Variants in FBXO21 observed in about 807,000 individuals in gnomAD.
FBXO21 encodes F-box only protein 21.
In FBXO21, 32 loss-of-function variants were observed where a neutral mutation model predicts 76.6. The observed-to-expected ratio is 0.42, with a 90% CI of 0.32 to 0.56. FBXO21 has a LOEUF of 0.56. Ranked by LOEUF, FBXO21 falls within the 20% of genes least tolerant of loss-of-function variation. The probability of loss-of-function intolerance (pLI) is 0.16; values close to 1 mark genes in which losing one functional copy is unlikely to be tolerated. For missense variants in FBXO21, 586 were observed against 797.3 expected, an observed-to-expected ratio of 0.73 and a Z score of 3.19; for synonymous variants, 328 against 311.5, an observed-to-expected ratio of 1.05 and a Z score of -0.56.
At chr12:117,166,827 A>G in intron 8 of FBXO21, 71 bp downstream of exon 8, 2 of 1,373,908 alleles carry the variant, frequency 1.5e-6, no homozygotes, top group Non-Finnish European at 2.0e-6. Flanking sequence ...CACTTGGCAC[A>G]TCTCAAACAC....
At position 117,177,600 on chromosome 12, in the gene FBXO21, T is replaced by C; in HGVS notation, c.512A>G (p.Tyr171Cys). The C allele has an allele frequency of 6.2e-7, 1 of 1,613,886 alleles. No homozygotes were observed. ...TAAGATCTTCTGTTGCCGCAGGTAG[T>C]AAAGAATTTTTTTTGCGTAGTATTT... ...TWKYYAKKIL[Y>C]YLRQQKILNN... The change falls in exon 4 of 12, where the codon TAC becomes TGC. Residue 171 changes from tyrosine to cysteine, a missense_variant. Tyr to Cys is a radical substitution (Grantham distance 194). Around this residue, in one of 6 missense-constraint regions of FBXO21, gnomAD observed 246 missense variants for 356.8 expected, o/e 0.69. Coordinates refer to ENST00000622495, the MANE Select transcript of FBXO21 (RefSeq NM_015002.3).
At chr12:117,164,700 G>A (rs7313745) in intron 9 of FBXO21, among the ~76,000 whole-genome samples, 83,651 of 152,080 alleles carry the variant, frequency 0.55, 23,502 homozygotes, top group African/African-American at 0.65. Flanking sequence ...AGAGTCACTT[G>A]TAATATTTAC....
chr12:117,180,997 T>G (rs964232942), intron 3 of FBXO21, among the ~76,000 whole-genome samples: 1 of 152,244 alleles, frequency 6.6e-6, no homozygotes, highest in Non-Finnish European at 1.5e-5. Flanking sequence ...AGATGCATTG[T>G]ATTTATACTG....
intron 9 of FBXO21, among the ~76,000 whole-genome samples, chr12:117,164,098 TA>T (rs34246022): frequency 4.4e-4 from 64 of 144,432 alleles, no homozygotes; most frequent in Non-Finnish European, 5.1e-4. Flanking sequence ...AGTTTCTATT[TA>T]AAAAAAAAAA....
chr12:117,165,587 C>A lies in FBXO21; in HGVS notation c.1224G>T (p.Leu408=). ...CCAGATAGAGATCCAGCGAGTCTCT[C>A]AGGAGCTGGTATGACTGGTCGATGC... is the stretch of plus-strand genomic sequence containing the variant. The part of the protein sequence containing the change: ...REGIDQSYQL[L]RDSLDLYLAM... Residue 408 remains leucine (L), a synonymous_variant, in exon 9 of 12, where the codon CTG becomes CTT. Transcript: ENST00000622495. 1 of 1,613,476 alleles carries A rather than the reference C, an allele frequency of 6.2e-7. No homozygotes were observed. The highest frequency in any genetic ancestry group is 8.5e-7 in the Non-Finnish European group (1 of 1,179,490).
chr12:117,172,657 C>A, intron 6 of FBXO21, 50 bp from the exon 7 acceptor site: 1 of 1,575,332 alleles, frequency 6.3e-7, no homozygotes, highest in South Asian at 1.1e-5. Context: ...TATACGTTCT[C>A]ATTCTTTCAA....
At chr12:117,156,041 A>AC (rs1955912037) in intron 10 of FBXO21, 93 bp from the exon 11 acceptor site, 1 of 1,157,048 alleles carries the variant, frequency 8.6e-7, no homozygotes, top group African/African-American at 1.5e-5. Context: ...ATCCTCAGTT[A>AC]CCTGCTTTAC....
rs1461297204 is a variant in FBXO21, at chr12:117,190,337, G to A, written c.120C>T (p.Tyr40=). Residue 40 remains tyrosine, a synonymous_variant, in exon 1 of 12, where the codon TAC becomes TAT. Transcript: ENST00000622495. The part of the protein sequence containing the change: ...LVNLPGEVLE[Y]ILCCGSLTAA... ...CCGTCAGCGAGCCGCAGCACAGGAT[G>A]TACTCCAGCACCTCACCCGGCAGGT... 5 of 1,543,122 alleles carry A rather than the reference G, an allele frequency of 3.2e-6. No individual in the cohort carries two copies. Among genetic ancestry groups the A allele is most frequent in the African/African-American group, 2.8e-5 (2 of 70,448 alleles).
rs73410663 is a variant in FBXO21, at chr12:117,156,653, C to T, written c.1518-705G>A. On this transcript the variant is annotated intron_variant, in intron 10 of 11. Transcript: ENST00000622495. ...GTGCAGGGGACAGTAAGATTCACCC[C>T]GTATGGCAGCTGTTGAGGCTGGATG... Among the ~76,000 whole-genome samples the T allele has an allele frequency of 5.6e-3, 856 of 152,248 alleles. 9 individuals carry two copies. Among genetic ancestry groups the T allele is most frequent in the African/African-American group, 0.02 (823 of 41,542 alleles).
At chr12:117,166,770 G>A (rs924173335) in intron 8 of FBXO21, 128 bp downstream of exon 8, 34 of 696,770 alleles carry the variant, frequency 4.9e-5, no homozygotes, top group Non-Finnish European at 7.9e-5. Flanking sequence ...TCCAGTACTC[G>A]CAAAGAGAAC....
chr12:117,143,846 G>T lies in FBXO21; in HGVS notation c.*2241C>A, dbSNP rs1955739845. The T allele has an allele frequency of 6.6e-6, 1 of 152,624 alleles. No individual in the cohort carries two copies. The highest frequency in any genetic ancestry group is 1.5e-5 in the Non-Finnish European group (1 of 68,032). The allele number at this position is 152,624 out of a possible 1,614,324, so 9.5% of individuals were successfully genotyped here. A position where few individuals can be genotyped will look rare whatever the true frequency, so the allele number is the denominator to read the frequency against. On this transcript the variant is annotated 3_prime_UTR_variant, in exon 12 of 12. Transcript: ENST00000622495. ...AAAAATCTTGGCATTCATTTGAAGA[G>T]AAAAGAAGTTGCTATATCCAAATAT...
intron 9 of FBXO21, among the ~76,000 whole-genome samples, chr12:117,159,641 A>C (rs1022937696): frequency 2.0e-5 from 3 of 152,186 alleles, no homozygotes; most frequent in Non-Finnish European, 4.4e-5. Flanking sequence ...GGACACTCGC[A>C]GATTTACCCT....
chr12:117,189,926 G>C (rs1016040439), intron 1 of FBXO21, among the ~76,000 whole-genome samples: 23 of 152,270 alleles, frequency 1.5e-4, no homozygotes, highest in African/African-American at 4.6e-4. Flanking sequence ...GCCCGAAGTC[G>C]GGCACAAAAG....
intron 9 of FBXO21, among the ~76,000 whole-genome samples, chr12:117,163,697 C>T (rs1453840915): frequency 1.3e-5 from 2 of 152,184 alleles, no homozygotes; most frequent in East Asian, 3.9e-4. Context: ...AGTCCCAGCA[C>T]TTTGGGAGGC....
chr12:117,185,941 C>T (rs1337858980), intron 3 of FBXO21, among the ~76,000 whole-genome samples: 2 of 152,146 alleles, frequency 1.3e-5, no homozygotes, highest in African/African-American at 4.8e-5. Flanking sequence ...GGTGCAATCT[C>T]GGCTCACTGC....
At chr12:117,189,727 G>A (rs901100606) in intron 1 of FBXO21, among the ~76,000 whole-genome samples, 1 of 152,076 alleles carries the variant, frequency 6.6e-6, no homozygotes, top group Non-Finnish European at 1.5e-5. Context: ...TAGGTCTAAT[G>A]ATCACCACCA....
chr12:117,186,387 A>G, intron 3 of FBXO21, 90 bp downstream of exon 3: 2 of 873,668 alleles, frequency 2.3e-6, no homozygotes, highest in South Asian at 2.9e-5. Flanking sequence ...ATTTGGAATC[A>G]CATATTCCAG....
chr12:117,164,274 C>CTTTTTTTTTTTTT (rs538169408), intron 9 of FBXO21, among the ~76,000 whole-genome samples: 1 of 126,862 alleles, frequency 7.9e-6, no homozygotes, highest in Non-Finnish European at 1.7e-5. Context: ...CTTTTCTTTT[C>CTTTTTTTTTTTTT]TTTTTTTTTT....
chr12:117,187,294 C>T (rs1956293231), intron 2 of FBXO21, among the ~76,000 whole-genome samples: 1 of 151,480 alleles, frequency 6.6e-6, no homozygotes, highest in Non-Finnish European at 1.5e-5. Flanking sequence ...GTGGCGCATG[C>T]CAGTAATCCC....
Sources: gnomAD v4.1 joint callset for allele counts (sites outside exome capture counted in the v4.1 genomes callset) on GRCh38, gnomAD v4.1.1 for gene constraint, gnomAD v4.1.1 regional missense constraint, MANE v1.5 for transcripts, NCBI Gene and HGNC (gene_info 2026-07-23, HGNC 2026-07-21) for gene names.